The following HNF1B variants were observed in gnomAD, a reference collection of about 807,000 sequenced individuals.
HNF1B encodes hepatocyte nuclear factor 1-beta.
In HNF1B, 8 loss-of-function variants were observed where a neutral mutation model predicts 61.7. The ratio of observed to expected loss-of-function variants is 0.13; its 90% confidence interval spans 0.08 to 0.23. HNF1B has a LOEUF of 0.23. Ranked by LOEUF, HNF1B falls within the 10% of genes least tolerant of loss-of-function variation. The probability of loss-of-function intolerance (pLI) is 1.00; values close to 1 mark genes in which losing one functional copy is unlikely to be tolerated. For missense variants in HNF1B, 562 were observed against 714.5 expected, an observed-to-expected ratio of 0.79 and a Z score of 2.43; for synonymous variants, 314 against 287.7, an observed-to-expected ratio of 1.09 and a Z score of -0.93.
At chr17:37,688,452 T>C (rs2032065720) in intron 8 of HNF1B, among the ~76,000 whole-genome samples, 1 of 150,794 alleles carries the variant, frequency 6.6e-6, no homozygotes, top group Non-Finnish European at 1.5e-5. Context: ...TAAAGGCCAC[T>C]GTTATCGCAT....
At chr17:37,738,602 A>C (rs984072752) in intron 2 of HNF1B, among the ~76,000 whole-genome samples, 3 of 152,250 alleles carry the variant, frequency 2.0e-5, no homozygotes, top group Admixed American at 2.0e-4. Flanking sequence ...AATGTCAAAG[A>C]ATACTTTCCT....
At chr17:37,687,484 ACT>A in intron 8 of HNF1B, 92 bp from the exon 9 acceptor site, 1 of 955,060 alleles carries the variant, frequency 1.0e-6, no homozygotes, top group Non-Finnish European at 1.7e-6. Context: ...ATGATGCCCA[ACT>A]CAACCAGCAA....
Position 37,701,111 on chromosome 17 carries a change from A to C in HNF1B, c.1406T>G (p.Leu469Arg). 6.4e-7 allele frequency: 1 copy of C among 1,552,698 alleles called. No individual in the cohort carries two copies. The highest frequency in any genetic ancestry group is 8.7e-7 in the Non-Finnish European group (1 of 1,147,906). ...CTGCTGGGAGAACTGGACGGGCTGC[A>C]GGGCTGCCAGGCTGCCGGCCACACT... ...INSVAGSLAA[L>R]QPVQFSQQLH... is the part of the protein sequence containing the mutation. The change falls in exon 7 of 9, where the codon CTG (leucine) becomes CGG (arginine). Residue 469 changes from leucine to arginine, a missense_variant. Leu to Arg is a moderately radical substitution (Grantham distance 102). Coordinates refer to ENST00000617811, the MANE Select transcript of HNF1B (RefSeq NM_000458.4).
intron 5 of HNF1B, among the ~76,000 whole-genome samples, chr17:37,705,936 G>A (rs2032732516): frequency 6.6e-6 from 1 of 152,118 alleles, no homozygotes; most frequent in Admixed American, 6.5e-5. Context: ...TGATACATTA[G>A]TTTACTACTT....
chr17:37,721,460 G>C (rs910572678), intron 4 of HNF1B, among the ~76,000 whole-genome samples: 1 of 152,110 alleles, frequency 6.6e-6, no homozygotes, highest in African/African-American at 2.4e-5. Context: ...TCAAATAATA[G>C]CCTGTCAGAG....
Position 37,719,695 on chromosome 17 carries a change from G to A in HNF1B, c.1046-9032C>T, listed in dbSNP as rs543041532. Among the ~76,000 whole-genome samples, 3 of 152,338 alleles carry A rather than the reference G, an allele frequency of 2.0e-5. No homozygotes were observed. In the East Asian group the frequency reaches 5.8e-4, roughly 29 times the overall value. ...CAGTGGGTCTGGGCAAAGGGAGAAA[G>A]GCTATAAAGCCATCAGCAGACTGAG... On this transcript the variant is annotated intron_variant, in intron 4 of 8. Coordinates refer to ENST00000617811, the MANE Select transcript of HNF1B (RefSeq NM_000458.4).
intron 4 of HNF1B, chr17:37,720,733 T>C (rs1010177721): frequency 1.0e-6 from 1 of 954,628 alleles, no homozygotes. Flanking sequence ...TGAAGAAAGC[T>C]ACCTCAGGCT....
At chr17:37,712,362 C>T (rs1325538970) in intron 4 of HNF1B, among the ~76,000 whole-genome samples, 1 of 152,126 alleles carries the variant, frequency 6.6e-6, no homozygotes, top group African/African-American at 2.4e-5. Flanking sequence ...AGCCGGTGCC[C>T]AGGCCCCTGT....
chr17:37,707,788 G>T (rs944695469), intron 5 of HNF1B, among the ~76,000 whole-genome samples: 4 of 149,486 alleles, frequency 2.7e-5, no homozygotes, highest in Admixed American at 2.0e-4. Context: ...TTTTTTAAAG[G>T]TTCGACATGC....
chr17:37,728,630 T>C (rs2147532664), intron 4 of HNF1B: 1 of 151,472 alleles, frequency 6.6e-6, no homozygotes, highest in South Asian at 2.1e-4. Flanking sequence ...TTTTTCGGTA[T>C]TCTGCACACA....
chr17:37,711,178 G>A (rs150863719), intron 4 of HNF1B, among the ~76,000 whole-genome samples: 39 of 152,328 alleles, frequency 2.6e-4, no homozygotes, highest in African/African-American at 8.2e-4. Context: ...TGAAAGAGCC[G>A]TAGCTTAGGC....
rs888389453 is a variant in HNF1B, at chr17:37,739,333, C to G, written c.544+107G>C. ...TACTTGCCACCTTCCTCATATCTGC[C>G]AAGTGCTCACAAGGCCTTGTCGATG... On this transcript the variant is annotated intron_variant, in intron 2 of 8. Coordinates refer to ENST00000617811, the MANE Select transcript of HNF1B (RefSeq NM_000458.4). 46 of 1,024,734 alleles carry G rather than the reference C, an allele frequency of 4.5e-5. No individual in the cohort carries two copies. In the African/African-American group the frequency reaches 6.6e-4, roughly 15 times the overall value. The allele number at this position is 1,024,734 out of a possible 1,614,324, so 63.5% of individuals were successfully genotyped here.
At chr17:37,730,224 G>C (rs909879908) in intron 4 of HNF1B, 1 of 152,790 alleles carries the variant, frequency 6.5e-6, no homozygotes, top group Admixed American at 6.5e-5. Context: ...GGATCGCTGT[G>C]GTGGGCAAGC....
chr17:37,688,063 A>T (rs2032041577), intron 8 of HNF1B, among the ~76,000 whole-genome samples: 1 of 152,200 alleles, frequency 6.6e-6, no homozygotes, highest in Admixed American at 6.5e-5. Flanking sequence ...TTACTTTAGC[A>T]TAAGAAACTC....
Position 37,687,174 on chromosome 17 carries a change from A to G in HNF1B, c.*198T>C. The G allele has an allele frequency of 1.3e-6, 1 of 788,670 alleles. No homozygotes were observed. Among genetic ancestry groups the G allele is most frequent in the South Asian group, 1.5e-5 (1 of 66,810 alleles). The allele number at this position is 788,670 out of a possible 1,614,324, so 48.9% of individuals were successfully genotyped here. Reference sequence around the variant, plus strand: ...GAGAGGCATTGTGGCAATACTGCATAGAAGGGAAACTGGGCTTCGGGCTGC... The same window carrying G: ...GAGAGGCATTGTGGCAATACTGCATGGAAGGGAAACTGGGCTTCGGGCTGC... On this transcript the variant is annotated 3_prime_UTR_variant, in exon 9 of 9. Transcript: ENST00000617811.
chr17:37,714,763 G>A (rs1411891040), intron 4 of HNF1B, among the ~76,000 whole-genome samples: 2 of 152,308 alleles, frequency 1.3e-5, no homozygotes, highest in East Asian at 1.9e-4. Context: ...TGGCACAGGT[G>A]CATGGTTCCA....
chr17:37,733,723 C>T lies in HNF1B; in HGVS notation c.643G>A (p.Gly215Arg). ...CAGGCATCATCGGACTGCCCAGGCC[C>T]ATGGCTCTGTTGACTGAACTCTGGA... ...LFPEFSQQSH[G>R]PGQSDDACSE... The change falls in exon 3 of 9, where the codon GGG (glycine) becomes AGG (arginine). Residue 215 changes from glycine to arginine, a missense_variant. Physicochemically the swap from Gly to Arg is moderately radical, Grantham distance 125. Around this residue, in one of 6 missense-constraint regions of HNF1B, gnomAD observed 69 missense variants for 81.2 expected, o/e 0.85. Transcript: ENST00000617811. 3 of 1,614,212 alleles carry T rather than the reference C, an allele frequency of 1.9e-6. No individual in the cohort carries two copies. The highest frequency in any genetic ancestry group is 2.5e-6 in the Non-Finnish European group (3 of 1,180,040).
At chr17:37,718,383 G>A (rs1371727110) in intron 4 of HNF1B, among the ~76,000 whole-genome samples, 1 of 152,192 alleles carries the variant, frequency 6.6e-6, no homozygotes, top group Non-Finnish European at 1.5e-5. Flanking sequence ...GAAGATTGCT[G>A]CTGTAGGTAA....
At position 37,710,528 on chromosome 17, in the gene HNF1B, T is replaced by C. The variant is rs753220832; in HGVS notation, c.1181A>G (p.Asn394Ser). 2.5e-6 allele frequency: 4 copies of C among 1,614,196 alleles called. No individual in the cohort carries two copies. Among genetic ancestry groups the C allele is most frequent in the South Asian group, 1.1e-5 (1 of 91,086 alleles). Reference sequence around the variant, plus strand: ...CATTTTACCATCAGGTGAGAGGAGATTGTGGCCTGGGTCCAGGCTGGCTGG... The same window carrying C: ...CATTTTACCATCAGGTGAGAGGAGACTGTGGCCTGGGTCCAGGCTGGCTGG... The part of the protein sequence containing the change: ...VSPASLDPGH[N>S]LLSPDGKMIS... Residue 394 changes from asparagine to serine, a missense_variant, in exon 5 of 9, where the codon AAT (asparagine) becomes AGT (serine). Physicochemically the swap from Asn to Ser is conservative, Grantham distance 46. This residue lies in a region of HNF1B where 211 missense variants were observed against 200.7 expected (regional missense o/e 1.05). Coordinates refer to ENST00000617811, the MANE Select transcript of HNF1B (RefSeq NM_000458.4).
Sources: allele counts gnomAD v4.1 joint callset (sites outside exome capture counted in the v4.1 genomes callset), GRCh38; gene constraint gnomAD v4.1.1; regional missense constraint gnomAD v4.1.1; transcripts MANE v1.5; gene names NCBI Gene and HGNC (gene_info 2026-07-23, HGNC 2026-07-21).